Variants in GABRB1 observed in about 807,000 individuals in gnomAD.
GABRB1 encodes the protein gamma-aminobutyric acid receptor subunit beta-1.
In GABRB1, 17 loss-of-function variants were observed where a neutral mutation model predicts 51.6. That is an observed-to-expected ratio of 0.33 (90% CI 0.23 to 0.49). The LOEUF is 0.49. Among genes scored for constraint, GABRB1 ranks in the 20% least tolerant of loss-of-function variants. GABRB1 has a pLI of 0.99. For missense variants in GABRB1, 410 were observed against 600.6 expected, an observed-to-expected ratio of 0.68 and a Z score of 3.32; for synonymous variants, 247 against 218.9, an observed-to-expected ratio of 1.13 and a Z score of -1.14.
chr4:47,080,763 CA>C (rs1727801002), intron 3 of GABRB1, among the ~76,000 whole-genome samples: 1 of 152,104 alleles, frequency 6.6e-6, no homozygotes, highest in Non-Finnish European at 1.5e-5. Context: ...ATTGATTAAT[CA>C]AAAACAATGA....
chr4:47,172,778 A>T (rs543453876), intron 4 of GABRB1, among the ~76,000 whole-genome samples: 6 of 151,486 alleles, frequency 4.0e-5, no homozygotes, highest in African/African-American at 1.2e-4. Context: ...TGTAGCTGGG[A>T]TTACAGGCAT....
chr4:47,339,850 CACA>C (rs1560340914), intron 5 of GABRB1, among the ~76,000 whole-genome samples: 1 of 151,902 alleles, frequency 6.6e-6, no homozygotes, highest in African/African-American at 2.4e-5. Context: ...CACACACACA[CACA>C]CACCCCACTT....
intron 3 of GABRB1, among the ~76,000 whole-genome samples, chr4:47,123,641 C>T (rs1715929606): frequency 1.6e-5 from 1 of 63,570 alleles, no homozygotes; most frequent in African/African-American, 6.5e-5. Context: ...TAATATATTA[C>T]ATTATTTTAT....
At chr4:47,095,938 C>A (rs559758850) in intron 3 of GABRB1, among the ~76,000 whole-genome samples, 8 of 152,252 alleles carry the variant, frequency 5.3e-5, no homozygotes, top group African/African-American at 1.4e-4. Context: ...AATGCAAAAT[C>A]TTTCCAAATA....
At chr4:47,033,065 G>T (rs1725406542) in intron 3 of GABRB1, 2 of 267,656 alleles carry the variant, frequency 7.5e-6, no homozygotes, top group Non-Finnish European at 1.5e-5. Context: ...CCCGAGCCTG[G>T]GTAGGCTTGT....
chr4:47,017,452 G>T (rs1724783582), intron 1 of GABRB1, among the ~76,000 whole-genome samples: 1 of 152,042 alleles, frequency 6.6e-6, no homozygotes, highest in Non-Finnish European at 1.5e-5. Context: ...GGAAACACTG[G>T]GAAATATGAG....
chr4:47,395,008 T>C (rs1728133561), intron 5 of GABRB1, among the ~76,000 whole-genome samples: 1 of 152,134 alleles, frequency 6.6e-6, no homozygotes, highest in Non-Finnish European at 1.5e-5. Flanking sequence ...GCTGCTGAGT[T>C]CCTAAGGCTA....
intron 4 of GABRB1, among the ~76,000 whole-genome samples, chr4:47,274,681 GC>G (rs981837896): frequency 2.6e-5 from 4 of 152,104 alleles, no homozygotes; most frequent in African/African-American, 9.7e-5. Flanking sequence ...ACAATGTCAG[GC>G]ATACAGGCAA....
In GABRB1 at chr4:47,406,946, T is replaced by C. The variant is rs763027668; in HGVS notation, c.1080+20T>C. 1 of 1,607,370 alleles carries C rather than the reference T, an allele frequency of 6.2e-7. No homozygotes were observed. Among genetic ancestry groups the C allele is most frequent in the East Asian group, 2.2e-5 (1 of 44,782 alleles). On this transcript the variant is annotated intron_variant, in intron 8 of 8. Coordinates refer to ENST00000295454, the MANE Select transcript of GABRB1 (RefSeq NM_000812.4). ...GTCCAGGTAAGATATTAAATATTCC[T>C]AACAATATTCTTGTTAAATTTATCA...
intron 5 of GABRB1, among the ~76,000 whole-genome samples, chr4:47,396,525 C>A (rs573291537): frequency 2.0e-5 from 3 of 152,206 alleles, no homozygotes; most frequent in Admixed American, 6.5e-5. Context: ...ACACAAATTT[C>A]TAGAAGGAAA....
At chr4:46,994,544 G>T (rs1220072277) in intron 1 of GABRB1, 1 of 152,066 alleles carries the variant, frequency 6.6e-6, no homozygotes, top group Non-Finnish European at 1.5e-5. Flanking sequence ...GAGGCAGAAG[G>T]TGGGGTATGG....
At chr4:47,019,415 G>A (rs995274317) in intron 1 of GABRB1, among the ~76,000 whole-genome samples, 1 of 148,322 alleles carries the variant, frequency 6.7e-6, no homozygotes, top group African/African-American at 2.4e-5. Flanking sequence ...TATGCAGTGT[G>A]TTTCATTAAA....
chr4:47,259,386 CAAGT>C lies in GABRB1; in HGVS notation c.462-60736_462-60733del, dbSNP rs548713963. Among the ~76,000 whole-genome samples the C allele has an allele frequency of 1.1e-3, 164 of 152,152 alleles. 1 individual carries two copies. The highest frequency in any genetic ancestry group is 3.8e-3 in the African/African-American group (156 of 41,538). Reference sequence around the variant, plus strand: ...GCAAAACCAAACCTTGTCTCTAAATCAAGTAAGTGTTTTCTGTAGTATCTATAAG... The same window carrying C: ...GCAAAACCAAACCTTGTCTCTAAATCAAGTGTTTTCTGTAGTATCTATAAG... On this transcript the variant is annotated intron_variant, in intron 4 of 8. Transcript: ENST00000295454.
chr4:47,263,387 A>G (rs142171984), intron 4 of GABRB1, among the ~76,000 whole-genome samples: 84 of 152,186 alleles, frequency 5.5e-4, no homozygotes, highest in African/African-American at 1.8e-3. Context: ...AGTAAATATG[A>G]CTAGGGGAGA....
intron 4 of GABRB1, among the ~76,000 whole-genome samples, chr4:47,180,672 C>T (rs1448196269): frequency 6.6e-6 from 1 of 151,952 alleles, no homozygotes; most frequent in Non-Finnish European, 1.5e-5. Context: ...GTACTAAGTC[C>T]TGTACAGTTT....
chr4:47,209,292 C>G (rs1374546131), intron 4 of GABRB1, among the ~76,000 whole-genome samples: 1 of 152,012 alleles, frequency 6.6e-6, no homozygotes, highest in Non-Finnish European at 1.5e-5. Context: ...TGTTTTCAAG[C>G]CTTTCCATTT....
At chr4:47,208,825 C>T (rs777220126) in intron 4 of GABRB1, among the ~76,000 whole-genome samples, 5 of 152,020 alleles carry the variant, frequency 3.3e-5, no homozygotes, top group Non-Finnish European at 5.9e-5. Context: ...ATAGTTGGGT[C>T]CATCTGAGAA....
intron 3 of GABRB1, among the ~76,000 whole-genome samples, chr4:47,137,467 T>G (rs1052939404): frequency 4.6e-5 from 7 of 152,160 alleles, no homozygotes; most frequent in Admixed American, 4.6e-4. Context: ...GCTATATTTA[T>G]CATTTGTAAC....
intron 3 of GABRB1, among the ~76,000 whole-genome samples, chr4:47,062,245 A>T (rs566028977): frequency 1.3e-5 from 2 of 152,042 alleles, no homozygotes; most frequent in African/African-American, 4.8e-5. Flanking sequence ...TTTTAGTCCC[A>T]AGCTATTCCC....
Sources: allele counts gnomAD v4.1 joint callset (sites outside exome capture counted in the v4.1 genomes callset), GRCh38; gene constraint gnomAD v4.1.1; transcripts MANE v1.5; gene names NCBI Gene and HGNC (gene_info 2026-07-23, HGNC 2026-07-21).